Variants in NRF1 observed in about 807,000 individuals in gnomAD.
NRF1 encodes the protein alpha palindromic-binding protein.
In NRF1, 5 loss-of-function variants were observed where a neutral mutation model predicts 58.5. The observed-to-expected ratio is 0.09, with a 90% CI of 0.04 to 0.18. The LOEUF is 0.18. Among genes scored for constraint, NRF1 ranks in the 10% least tolerant of loss-of-function variants. The pLI is 1.00. For synonymous variants in NRF1, 224 were observed against 246.7 expected (o/e 0.91, Z 0.86); for missense variants, 288 against 657.7 (o/e 0.44, Z 6.15).
At chr7:129,630,329 C>T (rs1801019634) in intron 1 of NRF1, among the ~76,000 whole-genome samples, 1 of 152,184 alleles carries the variant, frequency 6.6e-6, no homozygotes, top group Admixed American at 6.6e-5. Flanking sequence ...ACTTACAGAG[C>T]TAACAGTCTG....
chr7:129,713,897 T>C (rs1282795428), intron 8 of NRF1, among the ~76,000 whole-genome samples: 1 of 152,202 alleles, frequency 6.6e-6, no homozygotes, highest in Non-Finnish European at 1.5e-5. Context: ...AGCAACACAT[T>C]CAGTGCATTG....
At chr7:129,677,007 AT>A (rs56059756) in intron 3 of NRF1, among the ~76,000 whole-genome samples, 30 of 113,542 alleles carry the variant, frequency 2.6e-4, no homozygotes, top group African/African-American at 5.2e-4. Flanking sequence ...TCTTGGTTGC[AT>A]TTTTTTTTTT....
intron 10 of NRF1, among the ~76,000 whole-genome samples, chr7:129,750,948 C>T (rs987056755): frequency 1.1e-4 from 16 of 152,156 alleles, no homozygotes; most frequent in Admixed American, 8.5e-4. Flanking sequence ...GAAAACATTC[C>T]AGCACCTGCT....
chr7:129,698,611 A>G (rs1363198012), intron 5 of NRF1, among the ~76,000 whole-genome samples: 4 of 152,110 alleles, frequency 2.6e-5, no homozygotes, highest in Non-Finnish European at 5.9e-5. Flanking sequence ...TTCTTTTAGG[A>G]TACTACAGAC....
intron 1 of NRF1, among the ~76,000 whole-genome samples, chr7:129,655,731 A>G (rs58660194): frequency 0.19 from 29,097 of 152,134 alleles, 3,039 homozygotes; most frequent in East Asian, 0.47. Flanking sequence ...CATGTTGGCC[A>G]GGCTGGTCCC....
At chr7:129,625,967 C>T (rs1204697678) in intron 1 of NRF1, among the ~76,000 whole-genome samples, 1 of 152,106 alleles carries the variant, frequency 6.6e-6, no homozygotes, top group East Asian at 1.9e-4. Flanking sequence ...CAAGCATGAG[C>T]CACCACACCC....
intron 6 of NRF1, 135 bp downstream of exon 6, chr7:129,709,368 T>C (rs568949763): frequency 1.6e-6 from 1 of 621,776 alleles, no homozygotes; most frequent in South Asian, 5.2e-5. Context: ...AGACTGATAT[T>C]CTTTGATTTA....
intron 8 of NRF1, among the ~76,000 whole-genome samples, chr7:129,713,677 G>A (rs1481872129): frequency 6.6e-6 from 1 of 152,212 alleles, no homozygotes; most frequent in Non-Finnish European, 1.5e-5. Flanking sequence ...AGGCGGTAGA[G>A]AAAAGCAAAG....
intron 1 of NRF1, among the ~76,000 whole-genome samples, chr7:129,636,089 T>C (rs1801163398): frequency 6.6e-6 from 1 of 152,212 alleles, no homozygotes; most frequent in Admixed American, 6.5e-5. Flanking sequence ...GTGGTCTTTG[T>C]TCACATTGTG....
intron 1 of NRF1, among the ~76,000 whole-genome samples, chr7:129,631,139 C>T (rs1381233131): frequency 1.3e-5 from 2 of 152,122 alleles, no homozygotes; most frequent in African/African-American, 4.8e-5. Context: ...AGTTTGCTTA[C>T]TTACTTTTCA....
At chr7:129,730,078 G>T (rs1274289488) in intron 10 of NRF1, among the ~76,000 whole-genome samples, 1 of 152,182 alleles carries the variant, frequency 6.6e-6, no homozygotes, top group African/African-American at 2.4e-5. Flanking sequence ...ACCCACCTCA[G>T]CCTCCCAAAG....
At chr7:129,724,414 C>T (rs1458045237) in intron 9 of NRF1, among the ~76,000 whole-genome samples, 1 of 152,110 alleles carries the variant, frequency 6.6e-6, no homozygotes, top group African/African-American at 2.4e-5. Context: ...AAATTGGAAC[C>T]CTTGTGCACT....
chr7:129,647,840 G>A lies in NRF1; in HGVS notation c.-6-9506G>A, dbSNP rs562619402. ...TACAATTTTGTTAGTTTTAGATGCCGCAAATTAGGAGTTTGTCTTCCTCAA... is the reference window on the plus strand; with the variant it reads ...TACAATTTTGTTAGTTTTAGATGCCACAAATTAGGAGTTTGTCTTCCTCAA... On this transcript the variant is annotated intron_variant, in intron 1 of 10. Transcript: ENST00000393232. 2.6e-5 allele frequency among the ~76,000 whole-genome samples: 4 copies of A among 152,256 alleles called. No individual in the cohort carries two copies. In the South Asian group the frequency reaches 6.2e-4, roughly 24 times the overall value.
chr7:129,639,912 G>A (rs1673958571), intron 1 of NRF1, among the ~76,000 whole-genome samples: 1 of 152,178 alleles, frequency 6.6e-6, no homozygotes, highest in African/African-American at 2.4e-5. Context: ...GGAATGGATA[G>A]TTAGCTAAAC....
chr7:129,740,219 C>G (rs981165660), intron 10 of NRF1, among the ~76,000 whole-genome samples: 1 of 152,144 alleles, frequency 6.6e-6, no homozygotes, highest in Non-Finnish European at 1.5e-5. Context: ...CACTAATTTG[C>G]GGGGTAGCAG....
chr7:129,721,702 C>T lies in NRF1; in HGVS notation c.1223+4326C>T, dbSNP rs368254135. Among the ~76,000 whole-genome samples, 35 of 152,114 alleles carry T rather than the reference C, an allele frequency of 2.3e-4. No homozygotes were observed. In the South Asian group the frequency reaches 5.4e-3, roughly 24 times the overall value. On this transcript the variant is annotated intron_variant, in intron 9 of 10. Transcript: ENST00000393232. ...TTCACTGTGTTAGCCAGGATGGTCT[C>T]GATCTCCTGACCTCGTGATCCACCC...
In NRF1 at chr7:129,621,723, A is replaced by G. The variant is rs1351959272; in HGVS notation, c.-7+9899A>G. ...TTATGTGGTAATGCGACTGAGTGTT[A>G]AAATTGTTGTCTTCTTTAATTTTTG... On this transcript the variant is annotated intron_variant, in intron 1 of 10. Transcript: ENST00000393232. Among the ~76,000 whole-genome samples, 5 of 152,220 alleles carry G rather than the reference A, an allele frequency of 3.3e-5. No individual in the cohort carries two copies. The East Asian group carries it at 9.6e-4, about 29-fold the overall frequency.
chr7:129,665,375 G>A (rs946977782), intron 2 of NRF1, among the ~76,000 whole-genome samples: 11 of 152,248 alleles, frequency 7.2e-5, no homozygotes, highest in African/African-American at 2.6e-4. Flanking sequence ...CTGAGGAGCT[G>A]GTCTGTAGCA....
At chr7:129,682,183 G>A (rs1172539333) in intron 4 of NRF1, among the ~76,000 whole-genome samples, 1 of 151,908 alleles carries the variant, frequency 6.6e-6, no homozygotes, top group East Asian at 1.9e-4. Flanking sequence ...ACCATGGGGG[G>A]GCATGGTGGC....
Sources: allele counts gnomAD v4.1 joint callset (sites outside exome capture counted in the v4.1 genomes callset), GRCh38; gene constraint gnomAD v4.1.1; transcripts MANE v1.5; gene names NCBI Gene and HGNC (gene_info 2026-07-23, HGNC 2026-07-21).